The following LIFR variants were observed in gnomAD, a reference collection of about 807,000 sequenced individuals.
LIFR encodes LIF receptor subunit alpha.
In LIFR, 84 loss-of-function variants were observed where a neutral mutation model predicts 122.2. The observed-to-expected ratio is 0.69, with a 90% confidence interval of 0.58 to 0.82. The LOEUF (loss-of-function observed/expected upper bound fraction) is 0.82. Ranked by LOEUF, LIFR falls within the 40% of genes least tolerant of loss-of-function variation. LIFR has a pLI of 0.00. For missense variants in LIFR, 1,294 were observed against 1,311.6 expected (o/e 0.99, Z 0.21); for synonymous variants, 422 against 434.7 (o/e 0.97, Z 0.36).
In LIFR at chr5:38,485,963, C is replaced by G; in HGVS notation, c.2353G>C (p.Val785Leu). The G allele has an allele frequency of 1.9e-6, 3 of 1,612,982 alleles. No individual in the cohort carries two copies. Among genetic ancestry groups the G allele is most frequent in the Non-Finnish European group, 2.5e-6 (3 of 1,178,998 alleles). Residue 785 changes from valine to leucine, a missense_variant, in exon 17 of 20, where the codon GTT (valine) becomes CTT (leucine). Physicochemically the swap from Val to Leu is conservative, Grantham distance 32. Transcript: ENST00000453190. Reference protein sequence around the residue: ...VLESGRSDIKVKNITDISQKT... With the variant: ...VLESGRSDIKLKNITDISQKT... ...TGGGATATGTCAGTAATATTCTTAACTTTTATGTCAGAACGACCTATTTTT... is the reference window on the plus strand; with the variant it reads ...TGGGATATGTCAGTAATATTCTTAAGTTTTATGTCAGAACGACCTATTTTT...
intron 18 of LIFR, among the ~76,000 whole-genome samples, chr5:38,484,319 G>A (rs1277270926): frequency 6.6e-6 from 1 of 152,136 alleles, no homozygotes; most frequent in East Asian, 1.9e-4. Context: ...AAGTCTATAA[G>A]AGCCATGGCT....
Position 38,500,342 on chromosome 5 carries a change from G to A in LIFR, c.1601-759C>T, listed in dbSNP as rs1745113223. ...GAGTATCCCTCATCCGAAATGCTTG[G>A]GAGCAAAAGTGTTTCAGATTTTGGA... On this transcript the variant is annotated intron_variant, in intron 11 of 19. Coordinates refer to ENST00000453190, the MANE Select transcript of LIFR (RefSeq NM_001127671.2). 2.0e-5 allele frequency among the ~76,000 whole-genome samples: 3 copies of A among 152,132 alleles called. No homozygotes were observed. The South Asian group carries it at 6.2e-4, about 32-fold the overall frequency.
chr5:38,511,972 T>C lies in LIFR; in HGVS notation c.562-8A>G, dbSNP rs759459579. On this transcript the variant is annotated splice_polypyrimidine_tract_variant and splice_region_variant and intron_variant, in intron 5 of 19. Coordinates refer to ENST00000453190, the MANE Select transcript of LIFR (RefSeq NM_001127671.2). ...AGTTGTGTTGTGGGTCACCTAAAAATGAACACAAACACAAAACTGTATTTC... is the reference window on the plus strand; with the variant it reads ...AGTTGTGTTGTGGGTCACCTAAAAACGAACACAAACACAAAACTGTATTTC... 5 of 1,613,592 alleles carry C rather than the reference T, an allele frequency of 3.1e-6. No individual in the cohort carries two copies. The African/African-American group carries it at 6.7e-5, about 22-fold the overall frequency.
chr5:38,510,568 T>C lies in LIFR; in HGVS notation c.887A>G (p.Asn296Ser). 1 of 1,613,924 alleles carries C rather than the reference T, an allele frequency of 6.2e-7. No individual in the cohort carries two copies. The stretch of plus-strand genomic sequence containing the variant: ...AATATTACGAATCTTGATTGCAACA[T>C]TTTCCCCATCAAGATGGATCAAGGG... ...NCPLIHLDGE[N>S]VAIKIRNISV... is the part of the protein sequence containing the mutation. The change falls in exon 7 of 20, where the codon AAT becomes AGT. Residue 296 changes from asparagine to serine, a missense_variant. Transcript: ENST00000453190.
At chr5:38,598,631 C>T (rs1750167343), upstream of LIFR, among the ~76,000 whole-genome samples, 1 of 152,074 alleles carries the variant, frequency 6.6e-6, no homozygotes, top group African/African-American at 2.4e-5. Flanking sequence ...GCATCACCCG[C>T]TCCTGCCCCT....
At chr5:38,578,845 C>G (rs1749483859) in intron 1 of LIFR, among the ~76,000 whole-genome samples, 1 of 152,218 alleles carries the variant, frequency 6.6e-6, no homozygotes, top group Non-Finnish European at 1.5e-5. Flanking sequence ...GCGTGAGCCA[C>G]CACGCGCAGC....
At chr5:38,605,837 C>T (rs770157090) in intron 2 of LIFR, among the ~76,000 whole-genome samples, 15 of 152,194 alleles carry the variant, frequency 9.9e-5, no homozygotes, top group Non-Finnish European at 2.2e-4. Flanking sequence ...TCCCTCTCCT[C>T]GCTTGGAGTT....
intron 5 of LIFR, among the ~76,000 whole-genome samples, chr5:38,521,723 A>C (rs1487696512): frequency 6.6e-6 from 1 of 152,040 alleles, no homozygotes; most frequent in Non-Finnish European, 1.5e-5. Context: ...CTGGGTCTTG[A>C]GCAGTGCACT....
intron 1 of LIFR, among the ~76,000 whole-genome samples, chr5:38,532,054 C>A (rs1471253119): frequency 6.6e-6 from 1 of 152,126 alleles, no homozygotes; most frequent in Non-Finnish European, 1.5e-5. Flanking sequence ...TACAACTGTA[C>A]AAGAATAACT....
At chr5:38,495,218 C>T (rs1227300246) in intron 13 of LIFR, among the ~76,000 whole-genome samples, 3 of 152,124 alleles carry the variant, frequency 2.0e-5, no homozygotes, top group Non-Finnish European at 4.4e-5. Context: ...CTAAGGGATA[C>T]ACAGAAAAGG....
intron 11 of LIFR, among the ~76,000 whole-genome samples, chr5:38,501,318 T>C (rs1745164288): frequency 7.2e-6 from 1 of 139,712 alleles, no homozygotes; most frequent in African/African-American, 2.5e-5. Context: ...ATTCTTCACA[T>C]GTCTTCATGT....
At position 38,506,576 on chromosome 5, in the gene LIFR, T is replaced by C. The variant is rs1159601594; in HGVS notation, c.1048A>G (p.Ile350Val). ...NCETHDLKEI[I>V]CSWNPGRVTA... is the part of the protein sequence containing the mutation. The stretch of plus-strand genomic sequence containing the variant: ...ACCCTTCCTGGATTCCAACTACATA[T>C]AATTTCTTTTAAATCATGTGTCTCA... The change falls in exon 8 of 20, where the codon ATA becomes GTA. Residue 350 changes from isoleucine (I) to valine (V), a missense_variant. Ile to Val is a conservative substitution (Grantham distance 29, BLOSUM62 3). Coordinates refer to ENST00000453190, the MANE Select transcript of LIFR (RefSeq NM_001127671.2). The C allele has an allele frequency of 1.9e-6, 3 of 1,613,706 alleles. No individual in the cohort carries two copies. The African/African-American group carries it at 4.0e-5, about 22-fold the overall frequency.
intron 1 of LIFR, among the ~76,000 whole-genome samples, chr5:38,533,285 AG>A (rs1286530759): frequency 5.3e-5 from 8 of 152,238 alleles, no homozygotes; most frequent in African/African-American, 1.9e-4. Context: ...CTTCTGCTAA[AG>A]AAAAGTAATC....
chr5:38,555,718 G>A (rs1748487204), intron 1 of LIFR, among the ~76,000 whole-genome samples: 1 of 150,546 alleles, frequency 6.6e-6, no homozygotes, highest in Non-Finnish European at 1.5e-5. Context: ...AATGTGGGGG[G>A]TGGGGGGCAA....
In LIFR at chr5:38,478,520, A is replaced by T; in HGVS notation, c.*3075T>A. The T allele has an allele frequency of 4.9e-6, 1 of 202,660 alleles. No homozygotes were observed. The highest frequency in any genetic ancestry group is 1.9e-4 in the South Asian group (1 of 5,256). 12.6% of individuals were successfully genotyped at this position (202,660 alleles called of 1,614,324 possible). A position where few individuals can be genotyped will look rare whatever the true frequency, so the allele number is the denominator to read the frequency against. ...TCAACAAATTGATGACCTAGATTGC[A>T]TACATGTGCTAATCTATGCAATATA... On this transcript the variant is annotated 3_prime_UTR_variant, in exon 20 of 20. Transcript: ENST00000453190.
At chr5:38,564,777 C>T (rs917023607) in intron 1 of LIFR, among the ~76,000 whole-genome samples, 7 of 132,886 alleles carry the variant, frequency 5.3e-5, no homozygotes, top group African/African-American at 1.7e-4. Context: ...CACACACACA[C>T]ATATATTTTT....
chr5:38,580,618 G>T (rs1430016328), intron 1 of LIFR, among the ~76,000 whole-genome samples: 1 of 152,002 alleles, frequency 6.6e-6, no homozygotes, highest in Non-Finnish European at 1.5e-5. Flanking sequence ...TATTCTAACT[G>T]CCAGTAGGTC....
intron 12 of LIFR, 76 bp from the exon 13 acceptor site, chr5:38,496,671 T>C (rs1159452767): frequency 1.9e-6 from 2 of 1,057,652 alleles, no homozygotes; most frequent in Non-Finnish European, 2.9e-6. Flanking sequence ...GGGTTTAAAC[T>C]GGACACTATA....
intron 13 of LIFR, 138 bp from the exon 14 acceptor site, chr5:38,493,923 G>A (rs1361491210): frequency 1.4e-6 from 1 of 724,218 alleles, no homozygotes; most frequent in African/African-American, 1.8e-5. Context: ...GATAAACCTA[G>A]AGCAAAGATT....
Sources: gnomAD v4.1 joint callset for allele counts (sites outside exome capture counted in the v4.1 genomes callset) on GRCh38, gnomAD v4.1.1 for gene constraint, MANE v1.5 for transcripts, NCBI Gene and HGNC (gene_info 2026-07-23, HGNC 2026-07-21) for gene names.